Variants in SH2D4A observed in about 807,000 individuals in gnomAD.
The protein encoded by SH2D4A is SH2 domain-containing protein 4A.
Under a neutral mutation model 64.7 loss-of-function variants are expected in SH2D4A, and 70 were observed. The observed-to-expected ratio is 1.08, with a 90% CI of 0.89 to 1.32. The LOEUF (loss-of-function observed/expected upper bound fraction) is 1.32. Ranked by LOEUF, SH2D4A falls within the 40% of genes most tolerant of loss-of-function variation. The pLI, the probability that SH2D4A is intolerant of heterozygous loss-of-function variation, is 0.00. For missense variants in SH2D4A, 706 were observed against 540.1 expected (o/e 1.31, Z -3.04); for synonymous variants, 268 against 200.7 (o/e 1.34, Z -2.83).
At chr8:19,356,853 G>C (rs1234958785) in intron 4 of SH2D4A, among the ~76,000 whole-genome samples, 1 of 152,250 alleles carries the variant, frequency 6.6e-6, no homozygotes, top group Admixed American at 6.5e-5. Context: ...AGGGTATGCA[G>C]AGATTAAGCA....
intron 8 of SH2D4A, among the ~76,000 whole-genome samples, chr8:19,392,635 C>G (rs1011117192): frequency 6.6e-6 from 1 of 152,160 alleles, no homozygotes; most frequent in African/African-American, 2.4e-5. Flanking sequence ...CCAGATCTAA[C>G]ATTCCCAGGA....
At chr8:19,344,168 C>T (rs190275890) in intron 4 of SH2D4A, among the ~76,000 whole-genome samples, 1 of 152,234 alleles carries the variant, frequency 6.6e-6, no homozygotes, top group Non-Finnish European at 1.5e-5. Context: ...TGTTATCTCC[C>T]AGCTCCTCAG....
intron 8 of SH2D4A, among the ~76,000 whole-genome samples, chr8:19,383,395 T>A (rs970220836): frequency 1.3e-5 from 2 of 148,802 alleles, no homozygotes; most frequent in Non-Finnish European, 3.0e-5. Flanking sequence ...TGTTCTTGGT[T>A]TTTTTTTTTT....
intron 1 of SH2D4A, among the ~76,000 whole-genome samples, chr8:19,317,971 G>A (rs749862770): frequency 1.3e-5 from 2 of 151,624 alleles, no homozygotes; most frequent in South Asian, 2.1e-4. Flanking sequence ...GCGCGATCTC[G>A]GCTCACTGCA....
intron 4 of SH2D4A, among the ~76,000 whole-genome samples, chr8:19,339,918 AC>A (rs1247452702): frequency 1.3e-5 from 2 of 152,212 alleles, no homozygotes; most frequent in Non-Finnish European, 2.9e-5. Flanking sequence ...AGGTTATGAT[AC>A]TGGAGTAAAA....
At chr8:19,392,303 C>T (rs1182550984) in intron 8 of SH2D4A, among the ~76,000 whole-genome samples, 3 of 152,160 alleles carry the variant, frequency 2.0e-5, no homozygotes, top group African/African-American at 7.2e-5. Flanking sequence ...CTTTATAGAA[C>T]TGAGTAGAAC....
chr8:19,392,907 A>G (rs946755907), intron 8 of SH2D4A, among the ~76,000 whole-genome samples: 1 of 151,744 alleles, frequency 6.6e-6, no homozygotes. Flanking sequence ...ACGCCCGGCT[A>G]ATTTTTTGTA....
chr8:19,361,168 T>TTGTTG, intron 5 of SH2D4A, 35 bp from the exon 6 acceptor site: 1 of 1,338,660 alleles, frequency 7.5e-7, no homozygotes, highest in East Asian at 2.4e-5. Flanking sequence ...TTGTTTTGTT[T>TTGTTG]TGTTTTTGTT....
At chr8:19,341,738 G>C (rs914024972) in intron 4 of SH2D4A, among the ~76,000 whole-genome samples, 1 of 151,826 alleles carries the variant, frequency 6.6e-6, no homozygotes, top group East Asian at 1.9e-4. Flanking sequence ...AGCTGCTTGG[G>C]AGGCTGGGGT....
chr8:19,351,754 C>G (rs1348731908), intron 4 of SH2D4A, among the ~76,000 whole-genome samples: 1 of 152,128 alleles, frequency 6.6e-6, no homozygotes, highest in African/African-American at 2.4e-5. Context: ...ATTAAAGACA[C>G]TTGGCATTTG....
At chr8:19,375,543 C>A (rs1222600642) in intron 8 of SH2D4A, 1 of 152,106 alleles carries the variant, frequency 6.6e-6, no homozygotes, top group African/African-American at 2.4e-5. Flanking sequence ...TAGGAGAGGA[C>A]AAAGTGATTG....
chr8:19,389,137 TAGG>T (rs2053440640), intron 8 of SH2D4A, among the ~76,000 whole-genome samples: 1 of 152,018 alleles, frequency 6.6e-6, no homozygotes, highest in African/African-American at 2.4e-5. Flanking sequence ...GCAGAGTGAG[TAGG>T]AGTTTTCCAG....
At chr8:19,322,316 T>C (rs1326759431) in intron 2 of SH2D4A, among the ~76,000 whole-genome samples, 3 of 152,192 alleles carry the variant, frequency 2.0e-5, no homozygotes, top group African/African-American at 7.2e-5. Flanking sequence ...ATCTGATCCC[T>C]GAAGGCTTGT....
chr8:19,386,249 G>T (rs2053389726), intron 8 of SH2D4A, among the ~76,000 whole-genome samples: 1 of 152,212 alleles, frequency 6.6e-6, no homozygotes, highest in African/African-American at 2.4e-5. Flanking sequence ...AGATTGTAAA[G>T]CAGCTGGAGA....
At chr8:19,332,606 G>A (rs548916779) in intron 2 of SH2D4A, among the ~76,000 whole-genome samples, 1 of 38,906 alleles carries the variant, frequency 2.6e-5, no homozygotes, top group Non-Finnish European at 5.4e-5. Context: ...GCTGAGGTGG[G>A]GAACGGCTTG....
chr8:19,340,391 G>GGGTGGA (rs1331013209), intron 4 of SH2D4A, among the ~76,000 whole-genome samples: 2 of 152,128 alleles, frequency 1.3e-5, no homozygotes, highest in Non-Finnish European at 2.9e-5. Flanking sequence ...GCATCAGAGA[G>GGGTGGA]GGTGGAGGAA....
intron 8 of SH2D4A, among the ~76,000 whole-genome samples, chr8:19,389,456 CAG>C (rs762194807): frequency 2.6e-5 from 4 of 152,172 alleles, no homozygotes; most frequent in African/African-American, 7.2e-5. Context: ...TTATCACACA[CAG>C]AGAGGAGTGG....
intron 6 of SH2D4A, among the ~76,000 whole-genome samples, chr8:19,363,167 C>T (rs1472869449): frequency 2.6e-5 from 4 of 152,104 alleles, no homozygotes; most frequent in Non-Finnish European, 5.9e-5. Context: ...CCTCCGCCTC[C>T]TGGTTTCAAG....
At chr8:19,380,291 T>C (rs1019795559) in intron 8 of SH2D4A, among the ~76,000 whole-genome samples, 7 of 152,236 alleles carry the variant, frequency 4.6e-5, no homozygotes, top group Non-Finnish European at 7.3e-5. Context: ...AGATATCTAA[T>C]TTAAAAATAT....
Sources: allele counts gnomAD v4.1 joint callset (sites outside exome capture counted in the v4.1 genomes callset), GRCh38; gene constraint gnomAD v4.1.1; transcripts MANE v1.5; gene names NCBI Gene and HGNC (gene_info 2026-07-23, HGNC 2026-07-21).